Variants in MAGI2 observed in about 807,000 individuals in gnomAD.
MAGI2 encodes membrane-associated guanylate kinase, WW and PDZ domain-containing protein 2.
MAGI2 carries 35 observed loss-of-function variants against 133.3 expected under a neutral mutation model. The observed-to-expected ratio is 0.26, with a 90% CI of 0.20 to 0.35. MAGI2 has a LOEUF of 0.35. MAGI2 is among the 10% of genes least tolerant of loss of function. The pLI, the probability that MAGI2 is intolerant of heterozygous loss-of-function variation, is 1.00. For synonymous variants in MAGI2, 729 were observed against 710.6 expected (o/e 1.03, Z -0.41); for missense variants, 1,636 against 1,863.4 (o/e 0.88, Z 2.25).
chr7:79,227,657 T>C (rs551100406), intron 1 of MAGI2, among the ~76,000 whole-genome samples: 1 of 152,312 alleles, frequency 6.6e-6, no homozygotes, highest in Non-Finnish European at 1.5e-5. Context: ...TTAGTGAGAG[T>C]AAACATATAG....
At chr7:79,419,713 G>T (rs1489402959) in intron 1 of MAGI2, among the ~76,000 whole-genome samples, 1 of 151,972 alleles carries the variant, frequency 6.6e-6, no homozygotes, top group Non-Finnish European at 1.5e-5. Context: ...TTCCCATTAA[G>T]CATGGTATTC....
intron 1 of MAGI2, among the ~76,000 whole-genome samples, chr7:79,041,772 C>T (rs1420061321): frequency 2.0e-5 from 3 of 152,032 alleles, no homozygotes; most frequent in Non-Finnish European, 4.4e-5. Flanking sequence ...ATCTTTTCAA[C>T]AAATGTGGCT....
chr7:79,275,769 T>C (rs1464126781), intron 1 of MAGI2, among the ~76,000 whole-genome samples: 1 of 152,044 alleles, frequency 6.6e-6, no homozygotes, highest in African/African-American at 2.4e-5. Context: ...CACTTACTAT[T>C]CTACAAGTCT....
At chr7:79,093,629 A>G (rs1256096940) in intron 1 of MAGI2, among the ~76,000 whole-genome samples, 1 of 151,854 alleles carries the variant, frequency 6.6e-6, no homozygotes, top group African/African-American at 2.4e-5. Context: ...CATGGCTGAT[A>G]AGGGTGGTGG....
At chr7:78,771,798 C>G (rs1369393925) in intron 2 of MAGI2, among the ~76,000 whole-genome samples, 4 of 152,050 alleles carry the variant, frequency 2.6e-5, no homozygotes, top group Non-Finnish European at 5.9e-5. Context: ...AAATAAGTGA[C>G]AAAAACACCA....
rs576269458 is a variant in MAGI2, at chr7:78,284,586, A to G, written c.1409-28005T>C. The stretch of plus-strand genomic sequence containing the variant: ...TTGAAGTGCTGCATTCCCTTTATAT[A>G]TTCTAGTGGATTCAGCATGATTTCC... On this transcript the variant is annotated intron_variant, in intron 9 of 21. Transcript: ENST00000354212. 2.6e-5 allele frequency among the ~76,000 whole-genome samples: 4 copies of G among 151,764 alleles called. No homozygotes were observed. In the Admixed American group the frequency reaches 2.6e-4, roughly 10 times the overall value.
At chr7:78,672,273 C>A (rs570665491) in intron 2 of MAGI2, among the ~76,000 whole-genome samples, 2 of 152,068 alleles carry the variant, frequency 1.3e-5, no homozygotes, top group African/African-American at 2.4e-5. Flanking sequence ...GACCTCCCCC[C>A]TCTCTCTCTT....
At chr7:78,139,144 A>C (rs1364767842) in intron 16 of MAGI2, among the ~76,000 whole-genome samples, 1 of 152,256 alleles carries the variant, frequency 6.6e-6, no homozygotes, top group Non-Finnish European at 1.5e-5. Flanking sequence ...TAGACACATA[A>C]AATGACTGAG....
chr7:78,626,691 T>C (rs796464925), intron 3 of MAGI2, among the ~76,000 whole-genome samples: 36 of 152,114 alleles, frequency 2.4e-4, no homozygotes, highest in African/African-American at 8.7e-4. Context: ...GTAGAGTAAT[T>C]TGAGAAAGCC....
At chr7:78,875,578 T>A (rs1459817016) in intron 2 of MAGI2, among the ~76,000 whole-genome samples, 2 of 152,180 alleles carry the variant, frequency 1.3e-5, no homozygotes, top group South Asian at 2.1e-4. Context: ...ATTAATTACT[T>A]ATCAGAACAA....
chr7:78,043,875 T>C (rs1811117290), intron 21 of MAGI2, among the ~76,000 whole-genome samples: 1 of 152,220 alleles, frequency 6.6e-6, no homozygotes, highest in Non-Finnish European at 1.5e-5. Flanking sequence ...GTATAATTAC[T>C]AGTTTTACTA....
At chr7:79,094,220 ACAGCATCTT>A (rs1817330256) in intron 1 of MAGI2, among the ~76,000 whole-genome samples, 1 of 152,186 alleles carries the variant, frequency 6.6e-6, no homozygotes, top group Non-Finnish European at 1.5e-5. Flanking sequence ...AAAAATGTTC[ACAGCATCTT>A]CAGCAGTAGA....
chr7:78,445,814 C>G (rs151040411), intron 6 of MAGI2, among the ~76,000 whole-genome samples: 184 of 152,050 alleles, frequency 1.2e-3, no homozygotes, highest in African/African-American at 3.8e-3. Flanking sequence ...TTGAAAACAT[C>G]AATTATACAT....
intron 21 of MAGI2, chr7:78,035,148 C>T (rs1810048727): frequency 6.5e-6 from 1 of 153,424 alleles, no homozygotes; most frequent in African/African-American, 2.4e-5. Flanking sequence ...GTGTTAGATC[C>T]CTGGCATGGG....
Position 78,672,733 on chromosome 7 carries a change from A to T in MAGI2, c.419-45494T>A, listed in dbSNP as rs113584843. On this transcript the variant is annotated intron_variant, in intron 2 of 21. Transcript: ENST00000354212. ...TTGGATATTAAAAATCCTGTGCCCC[A>T]TCCTGGGGCTGTTGAATCAGAAACT... Among the ~76,000 whole-genome samples, 539 of 152,290 alleles carry T rather than the reference A, an allele frequency of 3.5e-3. 2 individuals carry two copies. The highest frequency in any genetic ancestry group is 0.012 in the African/African-American group (514 of 41,566).
chr7:78,349,765 A>G (rs1459446587), intron 7 of MAGI2, among the ~76,000 whole-genome samples: 1 of 152,210 alleles, frequency 6.6e-6, no homozygotes, highest in Non-Finnish European at 1.5e-5. Flanking sequence ...CAAGCTCTAA[A>G]AGACTTATCA....
At chr7:78,408,352 A>G (rs1583951419) in intron 6 of MAGI2, among the ~76,000 whole-genome samples, 1 of 151,986 alleles carries the variant, frequency 6.6e-6, no homozygotes, top group Admixed American at 6.6e-5. Context: ...TCTGTTTCCA[A>G]GCAATTATAA....
chr7:78,388,858 G>T, intron 6 of MAGI2, among the ~76,000 whole-genome samples: 1 of 152,138 alleles, frequency 6.6e-6, no homozygotes, highest in East Asian at 1.9e-4. Flanking sequence ...TCAGAATCAC[G>T]TCGGTACTAC....
intron 2 of MAGI2, among the ~76,000 whole-genome samples, chr7:78,983,253 G>C (rs1168601468): frequency 2.0e-5 from 3 of 151,898 alleles, no homozygotes; most frequent in Admixed American, 6.6e-5. Context: ...CAGTACAAAA[G>C]GAAAAGTGTC....
Sources: gnomAD v4.1 joint callset for allele counts (sites outside exome capture counted in the v4.1 genomes callset) on GRCh38, gnomAD v4.1.1 for gene constraint, MANE v1.5 for transcripts, NCBI Gene and HGNC (gene_info 2026-07-23, HGNC 2026-07-21) for gene names.